Variants in NRROS observed in about 807,000 individuals in gnomAD.
The protein encoded by NRROS is negative regulator of reactive oxygen species, also known as transforming growth factor beta activator LRRC33.
A neutral mutation model predicts 12.0 loss-of-function variants in NRROS; 6 were observed. The ratio of observed to expected loss-of-function variants is 0.50; its 90% CI spans 0.27 to 0.98. The LOEUF (loss-of-function observed/expected upper bound fraction) is 0.98. Among genes scored for constraint, NRROS ranks in the 50% least tolerant of loss-of-function variants. The pLI is 0.11. For missense variants in NRROS, 857 were observed against 888.2 expected (o/e 0.96, Z 0.45); for synonymous variants, 462 against 410.2 (o/e 1.13, Z -1.53).
At position 196,659,982 on chromosome 3, in the gene NRROS, G is replaced by A. The variant is rs1379394009; in HGVS notation, c.339G>A (p.Gly113=). 1 of 1,613,736 alleles carries A rather than the reference G, an allele frequency of 6.2e-7. No homozygotes were observed. Among genetic ancestry groups the A allele is most frequent in the Non-Finnish European group, 8.5e-7 (1 of 1,179,854 alleles). ...GTCACCTGCGCAGCCTGGTCCTGGG[G>A]GACAACTGCCTCTCAGAGAACTACG... ...EQGHLRSLVL[G]DNCLSENYEE... The change falls in exon 3 of 3, where the codon GGG becomes GGA. Residue 113 remains glycine, a synonymous_variant. Transcript: ENST00000328557.
At chr3:196,644,365 C>G (rs1326372345) in intron 1 of NRROS, among the ~76,000 whole-genome samples, 1 of 148,928 alleles carries the variant, frequency 6.7e-6, no homozygotes, top group East Asian at 2.0e-4. Context: ...CGCCGCTGCA[C>G]TCTAGCCTGG....
chr3:196,640,799 GCC>G (rs1405431548), intron 1 of NRROS, among the ~76,000 whole-genome samples: 2 of 148,436 alleles, frequency 1.3e-5, no homozygotes, highest in African/African-American at 5.2e-5. Context: ...TAGGAATGGA[GCC>G]TCTCCGGACA....
At chr3:196,640,187 ATG>A (rs1436247953) in intron 1 of NRROS, among the ~76,000 whole-genome samples, 1 of 152,236 alleles carries the variant, frequency 6.6e-6, no homozygotes, top group African/African-American at 2.4e-5. Context: ...TGCAGGGAGC[ATG>A]TGAGCAGACA....
At position 196,654,675 on chromosome 3, in the gene NRROS, C is replaced by T. The variant is rs751861729; in HGVS notation, c.108+28C>T. On this transcript the variant is annotated intron_variant, in intron 2 of 2. Transcript: ENST00000328557. This position sits in a 1 kb window ranked among gnomAD's most constrained non-coding sequence, Gnocchi z 4.4. ...GAGTTTCCCTTGAACCCTGATCTGT[C>T]GGCTGCTCCTGTCCTGACAAGGCTT... The T allele has an allele frequency of 4.4e-5, 61 of 1,381,978 alleles. No homozygotes were observed. The highest frequency in any genetic ancestry group is 1.8e-4 in the Middle Eastern group (1 of 5,582). The allele number at this position is 1,381,978 out of a possible 1,614,324, so 85.6% of individuals were successfully genotyped here.
At chr3:196,644,604 CA>C (rs61053156) in intron 1 of NRROS, among the ~76,000 whole-genome samples, 56,557 of 150,146 alleles carry the variant, frequency 0.38, 11,806 homozygotes, top group East Asian at 0.58. Context: ...ATTAAAAATA[CA>C]AAAATTACCC....
intron 1 of NRROS, among the ~76,000 whole-genome samples, chr3:196,641,166 A>G (rs943854331): frequency 1.3e-5 from 2 of 151,930 alleles, no homozygotes; most frequent in African/African-American, 4.8e-5. Context: ...AAAACAAAAC[A>G]AAACAAACTC....
Position 196,660,777 on chromosome 3 carries a change from C to T in NRROS, c.1134C>T (p.Leu378=). The change falls in exon 3 of 3, where the codon CTC becomes CTT. Residue 378 remains leucine, a synonymous_variant. Coordinates refer to ENST00000328557, the MANE Select transcript of NRROS (RefSeq NM_198565.3). This position sits in a 1 kb window ranked among gnomAD's most constrained non-coding sequence, Gnocchi z 7.7. ...GGGAGCACGAGCCCCCCGGAGCGCTCACCGAGCTGGACCTGAGCCACAACC... is the reference window on the plus strand; with the variant it reads ...GGGAGCACGAGCCCCCCGGAGCGCTTACCGAGCTGGACCTGAGCCACAACC... ...HIREHEPPGA[L]TELDLSHNQL... 4 of 1,613,820 alleles carry T rather than the reference C, an allele frequency of 2.5e-6. No individual in the cohort carries two copies. The highest frequency in any genetic ancestry group is 1.3e-5 in the African/African-American group (1 of 75,066).
At chr3:196,646,873 G>A (rs534847775) in intron 1 of NRROS, among the ~76,000 whole-genome samples, 3 of 152,314 alleles carry the variant, frequency 2.0e-5, no homozygotes, top group Middle Eastern at 3.4e-3. Flanking sequence ...TGCCTTCGCC[G>A]AGCCGCCGCG....
In NRROS at chr3:196,654,537, G is replaced by C. The variant is rs1737495166; in HGVS notation, c.-3G>C. On this transcript the variant is annotated 5_prime_UTR_variant, in exon 2 of 3. It removes the in-frame stop codon of an upstream open reading frame in the 5' UTR. Coordinates refer to ENST00000328557, the MANE Select transcript of NRROS (RefSeq NM_198565.3). The surrounding 1 kb of genome is among the most constrained non-coding windows in gnomAD (Gnocchi z 4.4). Reference sequence around the variant, plus strand: ...GCTCTCTGTCCACAGGGCTGCCCTTGAGATGGAGTTGCTGCCTCTTTGGCT... The same window carrying C: ...GCTCTCTGTCCACAGGGCTGCCCTTCAGATGGAGTTGCTGCCTCTTTGGCT... The C allele has an allele frequency of 2.5e-6, 4 of 1,606,154 alleles. No individual in the cohort carries two copies. Among genetic ancestry groups the C allele is most frequent in the Non-Finnish European group, 3.4e-6 (4 of 1,172,858 alleles).
Position 196,660,359 on chromosome 3 carries a change from A to C in NRROS, c.716A>C (p.Glu239Ala), listed in dbSNP as rs1393433962. Residue 239 changes from glutamate (E) to alanine (A), a missense_variant, in exon 3 of 3, where the codon GAG becomes GCG. Glu to Ala is a moderately radical substitution (Grantham distance 107). Transcript: ENST00000328557. This position sits in a 1 kb window ranked among gnomAD's most constrained non-coding sequence, Gnocchi z 7.7. ...CTCAACGTCAGCTACAACGTCCTGG[A>C]GTGGTTCCTCGCGACCGGGGGAGAG... ...RVLNVSYNVL[E>A]WFLATGGEAA... 6 of 1,614,020 alleles carry C rather than the reference A, an allele frequency of 3.7e-6. No individual in the cohort carries two copies. The Admixed American group carries it at 1.0e-4, about 27-fold the overall frequency.
At chr3:196,657,127 C>T (rs557344357) in intron 2 of NRROS, among the ~76,000 whole-genome samples, 8 of 151,504 alleles carry the variant, frequency 5.3e-5, no homozygotes, top group Non-Finnish European at 8.8e-5. Flanking sequence ...TCGCTTGAAC[C>T]AGGGAGGCCG....
chr3:196,653,244 T>G (rs1160707205), intron 1 of NRROS, among the ~76,000 whole-genome samples: 1 of 152,236 alleles, frequency 6.6e-6, no homozygotes. Context: ...TTGGAGGTTC[T>G]CTCTGTAGTA....
At position 196,661,337 on chromosome 3, in the gene NRROS, T is replaced by TCC; in HGVS notation, c.1695_1696dup (p.Arg566ProfsTer66). On this transcript the variant is annotated frameshift_variant, in exon 3 of 3. Transcript: ENST00000328557. LOFTEE classifies it low-confidence loss of function (END_TRUNC). ...AGCCTGGCCCTGGAGACCCTGGATC[T>TCC]CCGTAGAAACTCGCTCACAGCCCTT... 3 of 1,590,356 alleles carry TCC rather than the reference T, an allele frequency of 1.9e-6. No homozygotes were observed. Among genetic ancestry groups the TCC allele is most frequent in the Non-Finnish European group, 2.6e-6 (3 of 1,167,902 alleles).
At chr3:196,656,302 C>A (rs1177603431) in intron 2 of NRROS, among the ~76,000 whole-genome samples, 1 of 152,218 alleles carries the variant, frequency 6.6e-6, no homozygotes, top group Non-Finnish European at 1.5e-5. Context: ...GCATAGCTGT[C>A]ATGGTTTTTA....
At chr3:196,656,763 C>G (rs1010615971) in intron 2 of NRROS, among the ~76,000 whole-genome samples, 5 of 152,108 alleles carry the variant, frequency 3.3e-5, no homozygotes, top group East Asian at 1.9e-4. Flanking sequence ...TTGACACTTT[C>G]TGGCCCAGTG....
chr3:196,660,619 G>T lies in NRROS; in HGVS notation c.976G>T (p.Asp326Tyr). 1 of 1,614,174 alleles carries T rather than the reference G, an allele frequency of 6.2e-7. No individual in the cohort carries two copies. Among genetic ancestry groups the T allele is most frequent in the African/African-American group, 1.3e-5 (1 of 75,054 alleles). Residue 326 changes from aspartate to tyrosine, a missense_variant, in exon 3 of 3, where the codon GAC becomes TAC. Asp to Tyr is a radical substitution (Grantham distance 160). Coordinates refer to ENST00000328557, the MANE Select transcript of NRROS (RefSeq NM_198565.3). The surrounding 1 kb of genome is among the most constrained non-coding windows in gnomAD (Gnocchi z 7.7). ...VSLWEEFSSS[D>Y]LADLRFLDMS... Reference sequence around the variant, plus strand: ...CCTCTGGGAAGAATTCTCCTCCAGCGACCTCGCAGATCTCCGCTTCCTGGA... The same window carrying T: ...CCTCTGGGAAGAATTCTCCTCCAGCTACCTCGCAGATCTCCGCTTCCTGGA...
chr3:196,655,363 C>T (rs537102042), intron 2 of NRROS, among the ~76,000 whole-genome samples: 3 of 151,934 alleles, frequency 2.0e-5, no homozygotes, highest in Admixed American at 6.6e-5. Context: ...GGTGAAACCC[C>T]GTCTCTACTA....
At chr3:196,647,849 G>A (rs6797337) in intron 1 of NRROS, among the ~76,000 whole-genome samples, 5,315 of 152,186 alleles carry the variant, frequency 0.035, 127 homozygotes, top group South Asian at 0.067. Context: ...GTGAGCCACT[G>A]CGCCCAGCCA....
chr3:196,652,913 T>C (rs1737457789), intron 1 of NRROS, among the ~76,000 whole-genome samples: 1 of 152,182 alleles, frequency 6.6e-6, no homozygotes, highest in South Asian at 2.1e-4. Flanking sequence ...CTCAGTAAAA[T>C]TCAGGATGCC....
Sources: allele counts gnomAD v4.1 joint callset (sites outside exome capture counted in the v4.1 genomes callset), GRCh38; gene constraint gnomAD v4.1.1; non-coding constraint Gnocchi (gnomAD v3.1); transcripts MANE v1.5; gene names NCBI Gene and HGNC (gene_info 2026-07-23, HGNC 2026-07-21).